Variants in HIF3A observed in about 807,000 individuals in gnomAD.
The protein encoded by HIF3A is hypoxia inducible factor 3 subunit alpha.
HIF3A carries 41 observed loss-of-function variants against 67.2 expected under a neutral mutation model. That is an observed-to-expected ratio of 0.61 (90% CI 0.48 to 0.79). The LOEUF (loss-of-function observed/expected upper bound fraction) is 0.79. HIF3A is among the 30% of genes least tolerant of loss of function. HIF3A has a pLI of 0.00. For missense variants in HIF3A, 855 were observed against 898.0 expected, an observed-to-expected ratio of 0.95 and a Z score of 0.61; for synonymous variants, 356 against 374.8, an observed-to-expected ratio of 0.95 and a Z score of 0.58.
Position 46,320,540 on chromosome 19 carries a change from C to G in HIF3A, c.1123C>G (p.Pro375Ala). ...GGGCGCCCCCTCTCAGAAGGACACC[C>G]CTAACCCTGGGGACAGCCTTGGTAT... ...QRGAPSQKDT[P>A]NPGDSLDTPG... Residue 375 changes from proline (P) to alanine (A), a missense_variant, in exon 9 of 15, where the codon CCT becomes GCT. Physicochemically the swap from Pro to Ala is conservative, Grantham distance 27. Around this residue, in one of 3 missense-constraint regions of HIF3A, gnomAD observed 638 missense variants for 660.5 expected, o/e 0.97. Transcript: ENST00000377670. 6.2e-7 allele frequency: 1 copy of G among 1,614,002 alleles called. No homozygotes were observed. The highest frequency in any genetic ancestry group is 8.5e-7 in the Non-Finnish European group (1 of 1,179,892).
intron 3 of HIF3A, among the ~76,000 whole-genome samples, chr19:46,307,793 T>C (rs1968997763): frequency 6.7e-6 from 1 of 150,328 alleles, no homozygotes; most frequent in Non-Finnish European, 1.5e-5. Flanking sequence ...TAGTGGCATG[T>C]GACTGTAGTC....
chr19:46,332,849 G>A (rs1435640216), intron 13 of HIF3A, among the ~76,000 whole-genome samples: 1 of 151,934 alleles, frequency 6.6e-6, no homozygotes, highest in Non-Finnish European at 1.5e-5. Flanking sequence ...CCGGGTGTAG[G>A]TGCACACCTA....
At chr19:46,337,830 A>G (rs1211370342) in intron 14 of HIF3A, among the ~76,000 whole-genome samples, 1 of 152,166 alleles carries the variant, frequency 6.6e-6, no homozygotes, top group Non-Finnish European at 1.5e-5. Context: ...ATGGTTTATA[A>G]CACTCCATAA....
At chr19:46,325,281 G>GC (rs1035850554) in intron 10 of HIF3A, among the ~76,000 whole-genome samples, 1 of 152,026 alleles carries the variant, frequency 6.6e-6, no homozygotes, top group Admixed American at 6.6e-5. Flanking sequence ...ACAGGTGTGA[G>GC]CCACTGAGCC....
chr19:46,312,008 C>T, intron 6 of HIF3A, 153 bp from the exon 7 acceptor site: 1 of 773,730 alleles, frequency 1.3e-6, no homozygotes, highest in Non-Finnish European at 2.4e-6. Flanking sequence ...CCACACTCCT[C>T]TTGTTCTGTT....
chr19:46,315,537 T>C (rs1781876462), intron 8 of HIF3A, among the ~76,000 whole-genome samples: 1 of 151,688 alleles, frequency 6.6e-6, no homozygotes, highest in South Asian at 2.1e-4. Context: ...CAAGATTTTA[T>C]GAGATCACAT....
intron 6 of HIF3A, among the ~76,000 whole-genome samples, chr19:46,311,845 A>AG (rs1371407214): frequency 6.6e-6 from 1 of 152,178 alleles, no homozygotes; most frequent in Non-Finnish European, 1.5e-5. Flanking sequence ...TGCGTGACAG[A>AG]GCGAGAGCCT....
intron 10 of HIF3A, among the ~76,000 whole-genome samples, chr19:46,323,284 C>T (rs1409241494): frequency 2.0e-5 from 3 of 151,774 alleles, no homozygotes; most frequent in Non-Finnish European, 2.9e-5. Flanking sequence ...CTCCTGACCT[C>T]ATGATCCACC....
At chr19:46,309,059 C>G in intron 5 of HIF3A, 92 bp from the exon 6 acceptor site, 1 of 1,076,872 alleles carries the variant, frequency 9.3e-7, no homozygotes, top group Non-Finnish European at 1.3e-6. Flanking sequence ...AATCTCAGCT[C>G]CCTGATGGGC....
Position 46,317,391 on chromosome 19 carries a change from C to T in HIF3A, c.1026-3052C>T, listed in dbSNP as rs538489842. Among the ~76,000 whole-genome samples, 4 of 152,232 alleles carry T rather than the reference C, an allele frequency of 2.6e-5. No homozygotes were observed. In the East Asian group the frequency reaches 7.7e-4, roughly 29 times the overall value. On this transcript the variant is annotated intron_variant, in intron 8 of 14. Coordinates refer to ENST00000377670, the MANE Select transcript of HIF3A (RefSeq NM_152795.4). ...TTATGCCTCATGTCTCTACCCTTCT[C>T]AGAGCCCTTCTGAAGCTCCCCAGTA...
At chr19:46,305,915 C>T (rs1457917998) in intron 3 of HIF3A, among the ~76,000 whole-genome samples, 1 of 151,970 alleles carries the variant, frequency 6.6e-6, no homozygotes, top group East Asian at 1.9e-4. Flanking sequence ...CTGTCTCCAC[C>T]AAAAATACAA....
Position 46,320,632 on chromosome 19 carries a change from A to C in HIF3A, c.1144+71A>C, listed in dbSNP as rs566401197. The C allele has an allele frequency of 4.3e-5, 50 of 1,172,670 alleles. 1 individual carries two copies. In the South Asian group the frequency reaches 6.2e-4, roughly 14 times the overall value. 72.6% of individuals were successfully genotyped at this position (1,172,670 alleles called of 1,614,324 possible). A position where few individuals can be genotyped will look rare whatever the true frequency, so the allele number is the denominator to read the frequency against. The stretch of plus-strand genomic sequence containing the variant: ...CTTGGGAGAAAGCCCAAGCACCTTA[A>C]CATGGCTCACCAGGCCCTGTGGGAC... On this transcript the variant is annotated intron_variant, in intron 9 of 14. Coordinates refer to ENST00000377670, the MANE Select transcript of HIF3A (RefSeq NM_152795.4).
intron 3 of HIF3A, among the ~76,000 whole-genome samples, chr19:46,307,924 AC>A (rs1969013435): frequency 6.6e-6 from 1 of 152,164 alleles, no homozygotes; most frequent in South Asian, 2.1e-4. Flanking sequence ...ACAGAGCAAG[AC>A]CTGTCTCAAA....
rs771254154 is a variant in HIF3A, at chr19:46,297,082, G to A, written c.6G>A (p.Ala2=). The A allele has an allele frequency of 5.1e-5, 67 of 1,307,254 alleles. No homozygotes were observed. The highest frequency in any genetic ancestry group is 1.6e-4 in the South Asian group (5 of 31,344). 81.0% of individuals were successfully genotyped at this position (1,307,254 alleles called of 1,614,324 possible). A position where few individuals can be genotyped will look rare whatever the true frequency, so the allele number is the denominator to read the frequency against. Residue 2 remains alanine, a synonymous_variant, in exon 1 of 15, where the codon GCG becomes GCA. Transcript: ENST00000377670. The surrounding 1 kb of genome is among the most constrained non-coding windows in gnomAD (Gnocchi z 4.5). ...GGAGCGGCGACTGGCGAGCCATGGC[G>A]CTGGGGCTGCAGCGCGCAAGGTACT... M[A]LGLQRARSTT...
At chr19:46,308,897 G>A in intron 5 of HIF3A, 122 bp downstream of exon 5, 1 of 719,966 alleles carries the variant, frequency 1.4e-6, no homozygotes, top group South Asian at 1.8e-5. Context: ...GGCTCACTCA[G>A]GTCAGGTCTA....
At chr19:46,332,677 G>T (rs555258247) in intron 13 of HIF3A, among the ~76,000 whole-genome samples, 1 of 152,096 alleles carries the variant, frequency 6.6e-6, no homozygotes, top group Non-Finnish European at 1.5e-5. Flanking sequence ...AATATGAGAT[G>T]TGGTTGATAA....
intron 13 of HIF3A, among the ~76,000 whole-genome samples, chr19:46,332,255 C>T (rs145173025): frequency 0.014 from 2,104 of 152,158 alleles, 38 homozygotes; most frequent in Non-Finnish European, 0.016. Context: ...ACCAAAGGGC[C>T]GGGCGCTGTG....
rs1165991117 is a variant in HIF3A at position 46,329,360 on chromosome 19, C to T, written c.1594C>T (p.Pro532Ser). ...PRARSFHGLS[P>S]PALEPSLLPR... ...TGCTCGGAGCTTCCATGGCCTGTCA[C>T]CTCCAGCCCTTGAGCCCTCCCTGCT... The change falls in exon 12 of 15, where the codon CCT (proline) becomes TCT (serine). Residue 532 changes from proline to serine, a missense_variant. Physicochemically the swap from Pro to Ser is moderately conservative, Grantham distance 74. This residue lies in a region of HIF3A where 199 missense variants were observed against 193.8 expected (regional missense o/e 1.03). Coordinates refer to ENST00000377670, the MANE Select transcript of HIF3A (RefSeq NM_152795.4). 6.2e-7 allele frequency: 1 copy of T among 1,612,880 alleles called. No individual in the cohort carries two copies. The highest frequency in any genetic ancestry group is 8.5e-7 in the Non-Finnish European group (1 of 1,179,694).
intron 14 of HIF3A, chr19:46,338,172 G>A: frequency 4.4e-6 from 2 of 454,052 alleles, no homozygotes; most frequent in South Asian, 3.1e-5. Flanking sequence ...CACAGTGCCT[G>A]ACACAAAGTA....
Sources: gnomAD v4.1 joint callset for allele counts (sites outside exome capture counted in the v4.1 genomes callset) on GRCh38, gnomAD v4.1.1 for gene constraint, gnomAD v4.1.1 regional missense constraint, Gnocchi (gnomAD v3.1) non-coding constraint, MANE v1.5 for transcripts, NCBI Gene and HGNC (gene_info 2026-07-23, HGNC 2026-07-21) for gene names.